Variants in ZKSCAN4 observed in about 807,000 individuals in gnomAD.
ZKSCAN4 encodes zinc finger with KRAB and SCAN domains 4.
ZKSCAN4 carries 23 observed loss-of-function variants against 30.8 expected under a neutral mutation model. That is an observed-to-expected ratio of 0.75 (90% CI 0.54 to 1.06). The LOEUF is 1.06. Ranked by LOEUF, ZKSCAN4 falls within the 50% of genes least tolerant of loss-of-function variation. The pLI is 0.00. For missense variants in ZKSCAN4, 556 were observed against 665.4 expected (o/e 0.84, Z 1.81); for synonymous variants, 208 against 252.5 (o/e 0.82, Z 1.67).
rs1450191976 is a variant in ZKSCAN4 at position 28,245,533 on chromosome 6, A to G, written c.1221T>C (p.Asp407=). 4.3e-6 allele frequency: 7 copies of G among 1,613,884 alleles called. No individual in the cohort carries two copies. The highest frequency in any genetic ancestry group is 3.3e-5 in the Admixed American group (2 of 59,984). ...TCTGGCTGAAGGTCTTCCCACAGTC[A>G]TCACACTCATAGGGCTTCTCCCCAG... ...THTGEKPYEC[D]DCGKTFSQSC... is the part of the protein sequence containing the mutation. The change falls in exon 5 of 5, where the codon GAT becomes GAC. Residue 407 remains aspartate, a synonymous_variant. Transcript: ENST00000377294.
Position 28,252,233 on chromosome 6 carries a change from G to A in ZKSCAN4, c.-253C>T, listed in dbSNP as rs1422160603. 5.8e-6 allele frequency: 2 copies of A among 347,288 alleles called. No homozygotes were observed. Among genetic ancestry groups the A allele is most frequent in the African/African-American group, 4.2e-5 (2 of 47,356 alleles). 21.5% of individuals were successfully genotyped at this position (347,288 alleles called of 1,614,324 possible). On this transcript the variant is annotated 5_prime_UTR_variant, in exon 1 of 5. Coordinates refer to ENST00000377294, the MANE Select transcript of ZKSCAN4 (RefSeq NM_019110.5). ...CCAAAGGATGTCTTTGGGAGTGAAA[G>A]TGATCACTCTCCAGACATAGGAGGG...
chr6:28,244,210 A>C lies in ZKSCAN4; in HGVS notation c.*906T>G, dbSNP rs534846647. Among the ~76,000 whole-genome samples, 101 of 152,326 alleles carry C rather than the reference A, an allele frequency of 6.6e-4. No homozygotes were observed. The highest frequency in any genetic ancestry group is 2.3e-3 in the African/African-American group (97 of 41,576). Reference sequence around the variant, plus strand: ...TGACGTCTTAGCACTTGGTCGGCCCAAGATAACTAAAAGGTAAGAAACAAG... The same window carrying C: ...TGACGTCTTAGCACTTGGTCGGCCCCAGATAACTAAAAGGTAAGAAACAAG... On this transcript the variant is annotated 3_prime_UTR_variant, in exon 5 of 5. Transcript: ENST00000377294.
chr6:28,245,452 G>A lies in ZKSCAN4; in HGVS notation c.1302C>T (p.Cys434=). 6.2e-7 allele frequency: 1 copy of A among 1,614,208 alleles called. No homozygotes were observed. The highest frequency in any genetic ancestry group is 8.5e-7 in the Non-Finnish European group (1 of 1,180,030). ...KIHTGEKPYQ[C]NMCGKAFRRN... is the part of the protein sequence containing the mutation. ...GCCTAAAGGCTTTGCCACACATATT[G>A]CACTGGTATGGCTTCTCCCCAGTAT... The change falls in exon 5 of 5, where the codon TGC becomes TGT. Residue 434 remains cysteine (C), a synonymous_variant. Coordinates refer to ENST00000377294, the MANE Select transcript of ZKSCAN4 (RefSeq NM_019110.5).
Position 28,244,040 on chromosome 6 carries a change from G to A in ZKSCAN4, c.*1076C>T, listed in dbSNP as rs1037316752. ...AGGCTGCCTCTAACCTGATCTTCCT[G>A]TCCCCAACTGACAGGGCAGTTTTGA... On this transcript the variant is annotated 3_prime_UTR_variant, in exon 5 of 5. Transcript: ENST00000377294. Among the ~76,000 whole-genome samples, 2 of 152,120 alleles carry A rather than the reference G, an allele frequency of 1.3e-5. No homozygotes were observed. Among genetic ancestry groups the A allele is most frequent in the African/African-American group, 4.8e-5 (2 of 41,412 alleles).
intron 1 of ZKSCAN4, among the ~76,000 whole-genome samples, chr6:28,250,629 C>T (rs1174106081): frequency 1.3e-5 from 2 of 152,172 alleles, no homozygotes; most frequent in Admixed American, 6.5e-5. Flanking sequence ...AATAAGATCA[C>T]AGTATGTGAC....
chr6:28,242,817 G>A lies in ZKSCAN4; in HGVS notation c.*2299C>T, dbSNP rs1760544212. Among the ~76,000 whole-genome samples, 1 of 152,150 alleles carries A rather than the reference G, an allele frequency of 6.6e-6. No individual in the cohort carries two copies. The highest frequency in any genetic ancestry group is 1.5e-5 in the Non-Finnish European group (1 of 68,024). On this transcript the variant is annotated 3_prime_UTR_variant, in exon 5 of 5. Coordinates refer to ENST00000377294, the MANE Select transcript of ZKSCAN4 (RefSeq NM_019110.5). ...ATTTCTTCCCTTTTCTAGCATAGCA[G>A]ACACTGAAAAGTACTTTTCTACAAT...
upstream of ZKSCAN4, among the ~76,000 whole-genome samples, chr6:28,252,983 GTT>G (rs1244840901): frequency 6.6e-6 from 1 of 152,124 alleles, no homozygotes; most frequent in East Asian, 1.9e-4. Context: ...AGGTAGCCAG[GTT>G]ACCTGTGTAA....
chr6:28,243,659 C>CTT lies in ZKSCAN4; in HGVS notation c.*1455_*1456dup, dbSNP rs202026007. Among the ~76,000 whole-genome samples the CTT allele has an allele frequency of 3.4e-5, 5 of 148,892 alleles. No homozygotes were observed. The highest frequency in any genetic ancestry group is 7.5e-5 in the African/African-American group (3 of 39,968). ...ATGTGCTTCTGAACAGACACATTTT[C>CTT]TTTTCTTTTTTTTTTTTCTTTTTGA... is the stretch of plus-strand genomic sequence containing the variant. On this transcript the variant is annotated 3_prime_UTR_variant, in exon 5 of 5. Transcript: ENST00000377294.
At chr6:28,258,425 C>T in the ZKSCAN4 span, among the ~76,000 whole-genome samples, 2 of 152,026 alleles carry the variant, frequency 1.3e-5, no homozygotes, top group Admixed American at 1.3e-4. Flanking sequence ...TCTACAAGAT[C>T]GAGTGGGATG....
chr6:28,251,841 C>G lies in ZKSCAN4; in HGVS notation c.140G>C (p.Arg47Pro), dbSNP rs778185894. The change falls in exon 1 of 5, where the codon CGG becomes CCG. Residue 47 changes from arginine (R) to proline (P), a missense_variant. Coordinates refer to ENST00000377294, the MANE Select transcript of ZKSCAN4 (RefSeq NM_019110.5). The surrounding 1 kb of genome is among the most constrained non-coding windows in gnomAD (Gnocchi z 4.5). Reference sequence around the variant, plus strand: ...GCGCTGGCGGGAGCGTTCGGGGCCCCGAGCAGGGCTGCAGGGTGCTCTCAC... The same window carrying G: ...GCGCTGGCGGGAGCGTTCGGGGCCCGGAGCAGGGCTGCAGGGTGCTCTCAC... ...AEVRAPCSPA[R>P]GPERSRQRFR... 6 of 1,609,840 alleles carry G rather than the reference C, an allele frequency of 3.7e-6. No individual in the cohort carries two copies. The highest frequency in any genetic ancestry group is 5.1e-6 in the Non-Finnish European group (6 of 1,177,552).
rs1361807159 is a variant in ZKSCAN4 at position 28,249,023 on chromosome 6, A to C, written c.571+664T>G. Among the ~76,000 whole-genome samples, 2 of 152,166 alleles carry C rather than the reference A, an allele frequency of 1.3e-5. No homozygotes were observed. The highest frequency in any genetic ancestry group is 2.9e-5 in the Non-Finnish European group (2 of 68,034). On this transcript the variant is annotated intron_variant, in intron 2 of 4. Transcript: ENST00000377294. The surrounding 1 kb of genome is among the most constrained non-coding windows in gnomAD (Gnocchi z 4.1). ...CAGAAAATAAGTTGGTTTAGGCCAG[A>C]AACTCTGCTGAGAAATAAAGATTGC...
At position 28,251,359 on chromosome 6, in the gene ZKSCAN4, A is replaced by G; in HGVS notation, c.423+199T>C. On this transcript the variant is annotated intron_variant, in intron 1 of 4. Coordinates refer to ENST00000377294, the MANE Select transcript of ZKSCAN4 (RefSeq NM_019110.5). This position sits in a 1 kb window ranked among gnomAD's most constrained non-coding sequence, Gnocchi z 4.5. ...TGTCAATATAGTTGTGTTCTTTTGT[A>G]ATCCTTTATAGTTTCTTTATATATT... 1 of 808,972 alleles carries G rather than the reference A, an allele frequency of 1.2e-6. No homozygotes were observed. Among genetic ancestry groups the G allele is most frequent in the Non-Finnish European group, 2.0e-6 (1 of 510,626 alleles). 50.1% of individuals were successfully genotyped at this position (808,972 alleles called of 1,614,324 possible).
At chr6:28,257,194 A>G (rs1761205428), upstream of ZKSCAN4, among the ~76,000 whole-genome samples, 1 of 152,246 alleles carries the variant, frequency 6.6e-6, no homozygotes, top group African/African-American at 2.4e-5. Flanking sequence ...AATATACACC[A>G]TGGAATACTA....
Position 28,251,061 on chromosome 6 carries a change from C to G in ZKSCAN4, c.423+497G>C, listed in dbSNP as rs1194463324. 2.0e-5 allele frequency among the ~76,000 whole-genome samples: 3 copies of G among 152,204 alleles called. No individual in the cohort carries two copies. Among genetic ancestry groups the G allele is most frequent in the Non-Finnish European group, 4.4e-5 (3 of 68,032 alleles). On this transcript the variant is annotated intron_variant, in intron 1 of 4. Transcript: ENST00000377294. The surrounding 1 kb of genome is among the most constrained non-coding windows in gnomAD (Gnocchi z 4.5). ...TCCATGAACTTAGAAAGGACAAAAACTAATCTTATTTTTACTGGTCTTTAA... is the reference window on the plus strand; with the variant it reads ...TCCATGAACTTAGAAAGGACAAAAAGTAATCTTATTTTTACTGGTCTTTAA...
At chr6:28,258,657 T>C in the ZKSCAN4 span, among the ~76,000 whole-genome samples, 5 of 151,648 alleles carry the variant, frequency 3.3e-5, no homozygotes, top group Admixed American at 6.6e-5. Context: ...GGTGGGCACC[T>C]GCAGTCCCAG....
At position 28,245,922 on chromosome 6, in the gene ZKSCAN4, C is replaced by G. The variant is rs777700530; in HGVS notation, c.832G>C (p.Glu278Gln). The G allele has an allele frequency of 3.1e-6, 5 of 1,614,186 alleles. No individual in the cohort carries two copies. The change falls in exon 5 of 5, where the codon GAA (glutamate) becomes CAA (glutamine). Residue 278 changes from glutamate to glutamine, a missense_variant. Coordinates refer to ENST00000377294, the MANE Select transcript of ZKSCAN4 (RefSeq NM_019110.5). ...TGGCATATCTTCCCATGCTCCTTTT[C>G]TGGAAGCTTCTTGACTGGAGGCAAG... ...RDLPPVKKLPEKEHGKICHLR... is the reference protein window; with the variant it reads ...RDLPPVKKLPQKEHGKICHLR...
chr6:28,251,444 A>G lies in ZKSCAN4; in HGVS notation c.423+114T>C, dbSNP rs763745960. On this transcript the variant is annotated intron_variant, in intron 1 of 4. Coordinates refer to ENST00000377294, the MANE Select transcript of ZKSCAN4 (RefSeq NM_019110.5). The surrounding 1 kb of genome is among the most constrained non-coding windows in gnomAD (Gnocchi z 4.5). Reference sequence around the variant, plus strand: ...TCACCTTACTGCCAAGGAGGTTCACAGTACAAAAAGAGATGAAGAACTCCT... The same window carrying G: ...TCACCTTACTGCCAAGGAGGTTCACGGTACAAAAAGAGATGAAGAACTCCT... The G allele has an allele frequency of 4.5e-6, 7 of 1,563,290 alleles. No individual in the cohort carries two copies. Among genetic ancestry groups the G allele is most frequent in the South Asian group, 2.3e-5 (2 of 86,574 alleles).
At chr6:28,247,142 C>A in intron 3 of ZKSCAN4, 50 bp from the exon 4 acceptor site, 1 of 1,524,702 alleles carries the variant, frequency 6.6e-7, no homozygotes, top group Non-Finnish European at 8.8e-7. Context: ...AAATTACCCC[C>A]AAAGCAAAGA....
In ZKSCAN4 at chr6:28,245,097, T is replaced by C. The variant is rs375839633; in HGVS notation, c.*19A>G. On this transcript the variant is annotated 3_prime_UTR_variant, in exon 5 of 5. Transcript: ENST00000377294. ...GTTCAGTGACAAATGAGCACCAATG[T>C]TGGCATGAATACCATGGGTCACTGT... 5.2e-5 allele frequency: 84 copies of C among 1,613,992 alleles called. No individual in the cohort carries two copies. The highest frequency in any genetic ancestry group is 5.4e-5 in the Non-Finnish European group (64 of 1,179,986).
Sources: allele counts gnomAD v4.1 joint callset (sites outside exome capture counted in the v4.1 genomes callset), GRCh38; gene constraint gnomAD v4.1.1; non-coding constraint Gnocchi (gnomAD v3.1); transcripts MANE v1.5; gene names NCBI Gene and HGNC (gene_info 2026-07-23, HGNC 2026-07-21).